Variants in CNTN4 observed in about 807,000 individuals in gnomAD.
The protein encoded by CNTN4 is contactin-4.
CNTN4 carries 77 observed loss-of-function variants against 122.5 expected under a neutral mutation model. The observed-to-expected ratio is 0.63, with a 90% CI of 0.52 to 0.76. The LOEUF is 0.76. Ranked by LOEUF, CNTN4 falls within the 30% of genes least tolerant of loss-of-function variation. The probability of loss-of-function intolerance (pLI) is 0.00; values close to 1 mark genes in which losing one functional copy is unlikely to be tolerated. For missense variants in CNTN4, 1,256 were observed against 1,259.1 expected (o/e 1.00, Z 0.04); for synonymous variants, 512 against 447.0 (o/e 1.15, Z -1.83).
chr3:2,684,318 G>A lies in CNTN4; in HGVS notation c.56-51897G>A, dbSNP rs907896143. Among the ~76,000 whole-genome samples the A allele has an allele frequency of 2.6e-5, 4 of 152,162 alleles. No homozygotes were observed. The South Asian group carries it at 8.3e-4, about 32-fold the overall frequency. ...GGGAGCAGAATAGGCCAGCCTAACT[G>A]AAGCATTGCAGCTGAGAATCCTGGA... is the stretch of plus-strand genomic sequence containing the variant. On this transcript the variant is annotated intron_variant, in intron 4 of 24. Coordinates refer to ENST00000418658, the MANE Select transcript of CNTN4 (RefSeq NM_175607.3).
At chr3:2,654,791 A>G (rs2083509697) in intron 4 of CNTN4, among the ~76,000 whole-genome samples, 1 of 152,162 alleles carries the variant, frequency 6.6e-6, no homozygotes, top group African/African-American at 2.4e-5. Context: ...ACATTGTAAG[A>G]ACAAATAGGA....
intron 4 of CNTN4, among the ~76,000 whole-genome samples, chr3:2,645,073 A>T (rs561829982): frequency 2.6e-5 from 4 of 152,016 alleles, no homozygotes; most frequent in Non-Finnish European, 5.9e-5. Flanking sequence ...CTACAGCCAA[A>T]TTAACGAAGA....
At position 2,337,861 on chromosome 3, in the gene CNTN4, A is replaced by G. The variant is rs573304164; in HGVS notation, c.-144-1317A>G. On this transcript the variant is annotated intron_variant, in intron 2 of 24. Transcript: ENST00000418658. Reference sequence around the variant, plus strand: ...ATAATTTTAATTGTTATTGATAGGTAGGCTGGAGTTGCAAATGGTGCCAAT... The same window carrying G: ...ATAATTTTAATTGTTATTGATAGGTGGGCTGGAGTTGCAAATGGTGCCAAT... 1.2e-4 allele frequency among the ~76,000 whole-genome samples: 18 copies of G among 152,182 alleles called. No individual in the cohort carries two copies. In the South Asian group the frequency reaches 3.7e-3, roughly 32 times the overall value.
intron 2 of CNTN4, among the ~76,000 whole-genome samples, chr3:2,176,980 C>T (rs2036775070): frequency 6.6e-6 from 1 of 152,030 alleles, no homozygotes; most frequent in South Asian, 2.1e-4. Flanking sequence ...ACACATGTAA[C>T]AGCATGCAGA....
intron 3 of CNTN4, among the ~76,000 whole-genome samples, chr3:2,442,237 T>C (rs2048466489): frequency 6.6e-6 from 1 of 152,196 alleles, no homozygotes; most frequent in South Asian, 2.1e-4. Context: ...CTGTTTCTAT[T>C]ATGCTTTTGT....
At chr3:2,374,604 T>A (rs996648357) in intron 3 of CNTN4, among the ~76,000 whole-genome samples, 1 of 152,036 alleles carries the variant, frequency 6.6e-6, no homozygotes, top group Non-Finnish European at 1.5e-5. Flanking sequence ...GCATTCCTGA[T>A]GGACCTCACT....
chr3:2,791,235 A>G (rs1407194603), intron 6 of CNTN4, among the ~76,000 whole-genome samples: 1 of 152,184 alleles, frequency 6.6e-6, no homozygotes, highest in Admixed American at 6.5e-5. Context: ...ATCACTTTTT[A>G]AAGATGAGGA....
chr3:2,106,032 A>G (rs1372091524), intron 2 of CNTN4, among the ~76,000 whole-genome samples: 1 of 152,212 alleles, frequency 6.6e-6, no homozygotes, highest in Non-Finnish European at 1.5e-5. Context: ...TTAAATCTTA[A>G]AGCTCCGAAA....
chr3:2,969,526 A>ATTATGATTATTATTG lies in CNTN4; in HGVS notation c.1359-18815_1359-18814insGATTATTATTGTTAT, dbSNP rs1553710749. On this transcript the variant is annotated intron_variant, in intron 13 of 24. Transcript: ENST00000418658. ...CCAAAGGAAAATTGGGATTATTATT[A>ATTATGATTATTATTG]TTATTATTATTATTCCTAGACAAAG... 5.2e-4 allele frequency among the ~76,000 whole-genome samples: 79 copies of ATTATGATTATTATTG among 151,924 alleles called. No homozygotes were observed. In the East Asian group the frequency reaches 0.012, roughly 23 times the overall value.
chr3:2,947,978 C>T (rs997299572), intron 13 of CNTN4, among the ~76,000 whole-genome samples: 51 of 151,154 alleles, frequency 3.4e-4, no homozygotes, highest in African/African-American at 1.2e-3. Flanking sequence ...GTTGTTTATT[C>T]AATTTAATTG....
intron 2 of CNTN4, among the ~76,000 whole-genome samples, chr3:2,280,614 T>C (rs1688315866): frequency 6.6e-6 from 1 of 152,134 alleles, no homozygotes. Context: ...GCCTATAAAA[T>C]ATGTGGTCAT....
intron 10 of CNTN4, among the ~76,000 whole-genome samples, chr3:2,895,542 A>G (rs1577189182): frequency 6.6e-6 from 1 of 152,172 alleles, no homozygotes; most frequent in Non-Finnish European, 1.5e-5. Context: ...TATCCGTGCT[A>G]TCTGTAAAAG....
intron 3 of CNTN4, among the ~76,000 whole-genome samples, chr3:2,451,089 A>AG (rs1455273620): frequency 2.0e-5 from 3 of 152,198 alleles, no homozygotes; most frequent in African/African-American, 7.2e-5. Flanking sequence ...TAGAGATAGA[A>AG]GGGAAGGTAT....
intron 3 of CNTN4, among the ~76,000 whole-genome samples, chr3:2,567,887 A>G (rs1224382160): frequency 6.6e-6 from 1 of 152,044 alleles, no homozygotes; most frequent in Non-Finnish European, 1.5e-5. Flanking sequence ...GTTCAGTGAT[A>G]ATCTTTTGCT....
intron 4 of CNTN4, among the ~76,000 whole-genome samples, chr3:2,715,591 A>G (rs908691930): frequency 1.3e-5 from 2 of 152,224 alleles, no homozygotes; most frequent in African/African-American, 4.8e-5. Context: ...GAGCTGTCAT[A>G]ACAAAATACC....
chr3:2,428,989 G>C (rs2047953163), intron 3 of CNTN4, among the ~76,000 whole-genome samples: 1 of 152,104 alleles, frequency 6.6e-6, no homozygotes, highest in Non-Finnish European at 1.5e-5. Flanking sequence ...CTTTTTTCAA[G>C]GTTTTTAGCT....
intron 14 of CNTN4, among the ~76,000 whole-genome samples, chr3:2,995,908 G>T (rs1309283451): frequency 6.6e-6 from 1 of 152,152 alleles, no homozygotes; most frequent in Non-Finnish European, 1.5e-5. Context: ...CACGTGTTCT[G>T]AGGCAGACTT....
intron 24 of CNTN4, 59 bp downstream of exon 24, chr3:3,054,034 G>A: frequency 6.4e-7 from 1 of 1,559,870 alleles, no homozygotes; most frequent in Non-Finnish European, 8.8e-7. Context: ...CAGCCTTCCA[G>A]ATGAGTCAGG....
intron 3 of CNTN4, among the ~76,000 whole-genome samples, chr3:2,399,930 A>G (rs1303688942): frequency 6.6e-6 from 1 of 152,116 alleles, no homozygotes; most frequent in African/African-American, 2.4e-5. Flanking sequence ...TTTTCTTCAG[A>G]TACAATCAAT....
Sources: gnomAD v4.1 joint callset for allele counts (sites outside exome capture counted in the v4.1 genomes callset) on GRCh38, gnomAD v4.1.1 for gene constraint, MANE v1.5 for transcripts, NCBI Gene and HGNC (gene_info 2026-07-23, HGNC 2026-07-21) for gene names.